The following SCTR variants were observed in gnomAD, a reference collection of about 807,000 sequenced individuals.
The protein encoded by SCTR is secretin receptor.
A neutral mutation model predicts 60.8 loss-of-function variants in SCTR; 56 were observed. The observed-to-expected ratio is 0.92, with a 90% confidence interval of 0.74 to 1.15. SCTR has a LOEUF of 1.15. Among genes scored for constraint, SCTR ranks in the 50% most tolerant of loss-of-function variants. The pLI is 0.00. For missense variants in SCTR, 562 were observed against 550.4 expected, an observed-to-expected ratio of 1.02 and a Z score of -0.21; for synonymous variants, 202 against 217.0, an observed-to-expected ratio of 0.93 and a Z score of 0.61.
chr2:119,482,527 T>C (rs1677668872), intron 2 of SCTR, among the ~76,000 whole-genome samples: 1 of 152,168 alleles, frequency 6.6e-6, no homozygotes. Context: ...CAGGGGTCTG[T>C]GTCCTTGGAG....
At chr2:119,456,155 G>A (rs1479750923) in intron 7 of SCTR, among the ~76,000 whole-genome samples, 2 of 149,600 alleles carry the variant, frequency 1.3e-5, no homozygotes, top group Non-Finnish European at 2.9e-5. Flanking sequence ...CCACCACCCG[G>A]GTTCAAGTGA....
chr2:119,504,617 A>G (rs1678669820), intron 1 of SCTR, among the ~76,000 whole-genome samples: 1 of 151,982 alleles, frequency 6.6e-6, no homozygotes, highest in African/African-American at 2.4e-5. Context: ...AAATAAATAA[A>G]TAAATAAATA....
In SCTR at chr2:119,479,361, A is replaced by T. The variant is rs1285933118; in HGVS notation, c.194-443T>A. 6 of 836,140 alleles carry T rather than the reference A, an allele frequency of 7.2e-6. 1 individual carries two copies. Among genetic ancestry groups the T allele is most frequent in the South Asian group, 1.1e-4 (2 of 18,288 alleles). The allele number at this position is 836,140 out of a possible 1,614,324, so 51.8% of individuals were successfully genotyped here. On this transcript the variant is annotated intron_variant, in intron 2 of 12. Transcript: ENST00000019103. Reference sequence around the variant, plus strand: ...GACCTAGCCGGCGTGGCACACAGGGATCCTGCATGAATTGGTTTGGGTGGG... The same window carrying T: ...GACCTAGCCGGCGTGGCACACAGGGTTCCTGCATGAATTGGTTTGGGTGGG...
intron 4 of SCTR, among the ~76,000 whole-genome samples, chr2:119,467,351 C>T (rs1239219386): frequency 6.6e-6 from 1 of 151,142 alleles, no homozygotes; most frequent in Non-Finnish European, 1.5e-5. Context: ...TGCACTCCAG[C>T]CTGGGCTGGA....
At chr2:119,495,717 T>C (rs1395275439) in intron 1 of SCTR, among the ~76,000 whole-genome samples, 1 of 152,146 alleles carries the variant, frequency 6.6e-6, no homozygotes, top group Non-Finnish European at 1.5e-5. Flanking sequence ...TCGGAAAGGA[T>C]CTACCAGCTG....
In SCTR at chr2:119,440,133, CTGCAGGTGCCCTG is replaced by C; in HGVS notation, c.1294_1306del (p.Gln432GlyfsTer44). On this transcript the variant is annotated frameshift_variant, in exon 13 of 13. Transcript: ENST00000019103. LOFTEE classifies it high-confidence loss of function. ...TCCAGCCTCTCAGATGATGCTGGTC[CTGCAGGTGCCCTG>C]GCTCTGCTCCAAGTGGCTGGCCTTG... is the stretch of plus-strand genomic sequence containing the variant. 1 of 1,613,890 alleles carries C rather than the reference CTGCAGGTGCCCTG, an allele frequency of 6.2e-7. No homozygotes were observed. The highest frequency in any genetic ancestry group is 8.5e-7 in the Non-Finnish European group (1 of 1,179,914).
At chr2:119,508,865 A>C (rs1678846702) in intron 1 of SCTR, among the ~76,000 whole-genome samples, 1 of 152,242 alleles carries the variant, frequency 6.6e-6, no homozygotes, top group African/African-American at 2.4e-5. Context: ...AATTTTCAAA[A>C]ACACAATACA....
chr2:119,456,217 C>T (rs1683372246), intron 7 of SCTR, among the ~76,000 whole-genome samples: 1 of 151,888 alleles, frequency 6.6e-6, no homozygotes, highest in Non-Finnish European at 1.5e-5. Flanking sequence ...CCCACCACCA[C>T]CCCTGACTAA....
At position 119,477,437 on chromosome 2, in the gene SCTR, T is replaced by TTTTGTTTGTTTG. The variant is rs72343036; in HGVS notation, c.301+1362_301+1373dup. On this transcript the variant is annotated intron_variant, in intron 3 of 12. Transcript: ENST00000019103. The stretch of plus-strand genomic sequence containing the variant: ...ATACCTGTTTCCTGTTCTGGACGTT[T>TTTTGTTTGTTTG]TTTGTTTGTTTGTTTGTTTGTTTGT... 4.4e-3 allele frequency among the ~76,000 whole-genome samples: 663 copies of TTTTGTTTGTTTG among 151,248 alleles called. 7 individuals are homozygous for TTTTGTTTGTTTG. The highest frequency in any genetic ancestry group is 0.016 in the African/African-American group (641 of 41,092).
intron 9 of SCTR, among the ~76,000 whole-genome samples, chr2:119,449,079 T>C (rs977601742): frequency 3.3e-5 from 5 of 152,232 alleles, no homozygotes; most frequent in Non-Finnish European, 5.9e-5. Context: ...CCCCCGGGGA[T>C]ATTGTTAAAA....
intron 4 of SCTR, among the ~76,000 whole-genome samples, chr2:119,466,185 C>G (rs1683827659): frequency 1.3e-5 from 2 of 152,020 alleles, no homozygotes; most frequent in South Asian, 4.1e-4. Flanking sequence ...GCTTGAATAC[C>G]TCTAGAGACA....
chr2:119,475,600 G>C (rs560959919), intron 3 of SCTR, among the ~76,000 whole-genome samples: 986 of 73,134 alleles, frequency 0.013, 8 homozygotes, highest in Non-Finnish European at 0.028. Context: ...AAGGATGTTT[G>C]TGCATATATA....
At chr2:119,474,489 G>A (rs897050173) in intron 3 of SCTR, among the ~76,000 whole-genome samples, 13 of 152,316 alleles carry the variant, frequency 8.5e-5, no homozygotes, top group Middle Eastern at 3.4e-3. Context: ...GCCAAGGAGG[G>A]CTGGGATCTG....
In SCTR at chr2:119,458,271, A is replaced by C. The variant is rs139404584; in HGVS notation, c.790+3576T>G. On this transcript the variant is annotated intron_variant, in intron 7 of 12. Transcript: ENST00000019103. ...CAGTGAGCCAAGATTGAACAGTTGCACTCCAGCCTGGGTGACAAAGAGAGA... is the reference window on the plus strand; with the variant it reads ...CAGTGAGCCAAGATTGAACAGTTGCCCTCCAGCCTGGGTGACAAAGAGAGA... 8.5e-3 allele frequency among the ~76,000 whole-genome samples: 1,235 copies of C among 144,906 alleles called. 13 individuals are homozygous for C. Among genetic ancestry groups the C allele is most frequent in the East Asian group, 0.049 (238 of 4,904 alleles).
At chr2:119,485,788 C>G (rs1197922604) in intron 2 of SCTR, 2 of 153,154 alleles carry the variant, frequency 1.3e-5, no homozygotes, top group African/African-American at 4.8e-5. Context: ...CCACATCCAT[C>G]TCTCAGGCAC....
chr2:119,517,903 T>C (rs1679165547), intron 1 of SCTR, among the ~76,000 whole-genome samples: 1 of 152,154 alleles, frequency 6.6e-6, no homozygotes, highest in Non-Finnish European at 1.5e-5. Context: ...AGGGTGGCTG[T>C]ATTTGGAGGT....
At chr2:119,467,294 G>A (rs191564278) in intron 4 of SCTR, among the ~76,000 whole-genome samples, 318 of 151,846 alleles carry the variant, frequency 2.1e-3, no homozygotes, top group African/African-American at 6.7e-3. Flanking sequence ...CAGGAGGCTC[G>A]CTTGAACCCG....
chr2:119,513,479 A>C (rs182252057), intron 1 of SCTR, among the ~76,000 whole-genome samples: 1 of 152,322 alleles, frequency 6.6e-6, no homozygotes, highest in African/African-American at 2.4e-5. Context: ...ATATTATTTT[A>C]TTATTTTTAT....
At chr2:119,448,496 C>T (rs1573793848) in intron 10 of SCTR, among the ~76,000 whole-genome samples, 193 bp downstream of exon 10, 1 of 152,286 alleles carries the variant, frequency 6.6e-6, no homozygotes, top group Non-Finnish European at 1.5e-5. Flanking sequence ...TTAGTGTTTC[C>T]ACCCCCATAC....
Sources: allele counts gnomAD v4.1 joint callset (sites outside exome capture counted in the v4.1 genomes callset), GRCh38; gene constraint gnomAD v4.1.1; transcripts MANE v1.5; gene names NCBI Gene and HGNC (gene_info 2026-07-23, HGNC 2026-07-21).